The following VPS33A variants were observed in gnomAD, a reference collection of about 807,000 sequenced individuals.
VPS33A encodes the protein VPS33A core subunit of CORVET and HOPS complexes, also known as vacuolar protein sorting-associated protein 33A.
A neutral mutation model predicts 71.8 loss-of-function variants in VPS33A; 32 were observed. The ratio of observed to expected loss-of-function variants is 0.45; its 90% CI spans 0.34 to 0.60. The LOEUF (loss-of-function observed/expected upper bound fraction) is 0.60, where lower values mean the gene tolerates loss of function less well. Among genes scored for constraint, VPS33A ranks in the 20% least tolerant of loss-of-function variants. The probability of loss-of-function intolerance (pLI) is 0.02; values close to 1 mark genes in which losing one functional copy is unlikely to be tolerated. For synonymous variants in VPS33A, 311 were observed against 292.7 expected, an observed-to-expected ratio of 1.06 and a Z score of -0.64; for missense variants, 625 against 748.5, an observed-to-expected ratio of 0.84 and a Z score of 1.92.
At chr12:122,244,248 T>C (rs1308367941) in intron 7 of VPS33A, among the ~76,000 whole-genome samples, 1 of 152,188 alleles carries the variant, frequency 6.6e-6, no homozygotes, top group Non-Finnish European at 1.5e-5. Context: ...TTATTTGTAG[T>C]ACAGATGGCT....
At chr12:122,240,660 A>T (rs1474212955) in intron 8 of VPS33A, among the ~76,000 whole-genome samples, 1 of 152,232 alleles carries the variant, frequency 6.6e-6, no homozygotes, top group Non-Finnish European at 1.5e-5. Flanking sequence ...TTCGAAGTAT[A>T]CTTCATAAAA....
At chr12:122,240,351 T>C (rs937015726) in intron 8 of VPS33A, among the ~76,000 whole-genome samples, 1 of 151,874 alleles carries the variant, frequency 6.6e-6, no homozygotes, top group African/African-American at 2.4e-5. Context: ...CCAGACATCA[T>C]GCAAAAAAGC....
At chr12:122,239,781 G>GAAAAAAAAAAAAAAAA (rs1954688931) in intron 9 of VPS33A, 97 bp downstream of exon 9, 1 of 379,932 alleles carries the variant, frequency 2.6e-6, no homozygotes, top group East Asian at 8.6e-5. Flanking sequence ...AAAAAAAAAG[G>GAAAAAAAAAAAAAAAA]CAAGGCATGG....
chr12:122,254,526 C>A (rs186500280), intron 4 of VPS33A, among the ~76,000 whole-genome samples: 1 of 151,460 alleles, frequency 6.6e-6, no homozygotes, highest in African/African-American at 2.4e-5. Flanking sequence ...CCTCAGTCTG[C>A]GAAGTAGCTG....
intron 4 of VPS33A, among the ~76,000 whole-genome samples, chr12:122,254,372 A>T (rs1592926076): frequency 6.8e-6 from 1 of 147,660 alleles, no homozygotes; most frequent in African/African-American, 2.5e-5. Flanking sequence ...TCTTTCTGCC[A>T]CTTCCTCTAA....
chr12:122,251,914 A>C (rs1229095094), intron 4 of VPS33A, among the ~76,000 whole-genome samples: 1 of 146,008 alleles, frequency 6.8e-6, no homozygotes, highest in Non-Finnish European at 1.5e-5. Context: ...CCTAGAACTT[A>C]AAGTATAAAA....
At chr12:122,232,465 T>C in intron 12 of VPS33A, 38 bp from the exon 13 acceptor site, 1 of 1,558,826 alleles carries the variant, frequency 6.4e-7, no homozygotes, top group South Asian at 1.2e-5. Flanking sequence ...AACTATTTAT[T>C]ATTAATGCTT....
chr12:122,259,393 A>G (rs1954963629), intron 4 of VPS33A, among the ~76,000 whole-genome samples: 1 of 151,888 alleles, frequency 6.6e-6, no homozygotes, highest in Non-Finnish European at 1.5e-5. Context: ...CTAATTTTGT[A>G]TTTTTAGTAG....
In VPS33A at chr12:122,229,867, A is replaced by G. The variant is rs1954536803; in HGVS notation, c.*2379T>C. The G allele has an allele frequency of 6.6e-6, 1 of 152,230 alleles. No homozygotes were observed. Among genetic ancestry groups the G allele is most frequent in the Non-Finnish European group, 1.5e-5 (1 of 68,042 alleles). 9.4% of individuals were successfully genotyped at this position (152,230 alleles called of 1,614,324 possible). A position where few individuals can be genotyped will look rare whatever the true frequency, so the allele number is the denominator to read the frequency against. On this transcript the variant is annotated 3_prime_UTR_variant, in exon 13 of 13. Transcript: ENST00000267199. Reference sequence around the variant, plus strand: ...TAGGAGCTGCCCTAACTATGCTCTGAGCAAGCAAGTATATAGAGTCTTGGG... The same window carrying G: ...TAGGAGCTGCCCTAACTATGCTCTGGGCAAGCAAGTATATAGAGTCTTGGG...
Position 122,231,667 on chromosome 12 carries a change from G to A in VPS33A, c.*579C>T, listed in dbSNP as rs1295681570. 6.5e-6 allele frequency: 1 copy of A among 154,088 alleles called. No homozygotes were observed. Among genetic ancestry groups the A allele is most frequent in the African/African-American group, 2.4e-5 (1 of 41,564 alleles). The allele number at this position is 154,088 out of a possible 1,614,324, so 9.5% of individuals were successfully genotyped here. On this transcript the variant is annotated 3_prime_UTR_variant, in exon 13 of 13. Coordinates refer to ENST00000267199, the MANE Select transcript of VPS33A (RefSeq NM_022916.6). ...ATTATCTACCCCCACCATCCTTAAT[G>A]TATTTCCAGAGGTCTCTAATGAAGA...
At position 122,232,062 on chromosome 12, in the gene VPS33A, A is replaced by G. The variant is rs1954569238; in HGVS notation, c.*184T>C. On this transcript the variant is annotated 3_prime_UTR_variant, in exon 13 of 13. Transcript: ENST00000267199. The stretch of plus-strand genomic sequence containing the variant: ...ACAGAGCAAGACTCCGTCTCAAAGG[A>G]AAAAAAAAAAGGGAATACAAAAGAG... 4 of 323,170 alleles carry G rather than the reference A, an allele frequency of 1.2e-5. No individual in the cohort carries two copies. The East Asian group carries it at 2.3e-4, about 18-fold the overall frequency. The allele number at this position is 323,170 out of a possible 1,614,324, so 20.0% of individuals were successfully genotyped here. A position where few individuals can be genotyped will look rare whatever the true frequency, so the allele number is the denominator to read the frequency against.
chr12:122,260,284 GT>G (rs879771128), intron 4 of VPS33A, among the ~76,000 whole-genome samples: 118 of 146,010 alleles, frequency 8.1e-4, no homozygotes, highest in African/African-American at 1.4e-3. Context: ...GGCATTGTGA[GT>G]TTTTTTTTTT....
intron 11 of VPS33A, among the ~76,000 whole-genome samples, chr12:122,235,127 T>C (rs1309748584): frequency 6.6e-6 from 1 of 151,940 alleles, no homozygotes; most frequent in Non-Finnish European, 1.5e-5. Context: ...ATACTACCAC[T>C]GGCCATTTTT....
At chr12:122,255,167 C>G (rs1301617343) in intron 4 of VPS33A, among the ~76,000 whole-genome samples, 1 of 152,164 alleles carries the variant, frequency 6.6e-6, no homozygotes, top group Non-Finnish European at 1.5e-5. Context: ...TTTGCTTCGG[C>G]TGCTACCAAT....
Position 122,239,904 on chromosome 12 carries a change from ACTC to A in VPS33A, c.1135_1137del (p.Glu379del). 1 of 1,613,826 alleles carries A rather than the reference ACTC, an allele frequency of 6.2e-7. No homozygotes were observed. The highest frequency in any genetic ancestry group is 8.5e-7 in the Non-Finnish European group (1 of 1,179,914). On this transcript the variant is annotated inframe_deletion, in exon 9 of 13. Coordinates refer to ENST00000267199, the MANE Select transcript of VPS33A (RefSeq NM_022916.6). ...TTATCAGTGTCTATTCCAGACATAA[ACTC>A]CTGTTCCACGGTTAATTTATCAAAA...
At chr12:122,260,902 G>A (rs1954984343) in intron 4 of VPS33A, among the ~76,000 whole-genome samples, 1 of 152,218 alleles carries the variant, frequency 6.6e-6, no homozygotes, top group Non-Finnish European at 1.5e-5. Context: ...TTGAACCCAA[G>A]AGGCGGAGGC....
At chr12:122,250,766 G>A (rs1384341685) in intron 5 of VPS33A, among the ~76,000 whole-genome samples, 3 of 152,180 alleles carry the variant, frequency 2.0e-5, no homozygotes, top group Admixed American at 6.5e-5. Flanking sequence ...ATGCGCAGTG[G>A]TTACTCAAAC....
rs1210781698 is a variant in VPS33A at position 122,266,403 on chromosome 12, C to T, written c.6G>A (p.Ala2=). 2.5e-6 allele frequency: 4 copies of T among 1,610,610 alleles called. No individual in the cohort carries two copies. Among genetic ancestry groups the T allele is most frequent in the Admixed American group, 3.3e-5 (2 of 59,916 alleles). Residue 2 remains alanine, a synonymous_variant, in exon 1 of 13, where the codon GCG becomes GCA. Coordinates refer to ENST00000267199, the MANE Select transcript of VPS33A (RefSeq NM_022916.6). ...TCACTCGGCCGTAGGACAGATGAGC[C>T]GCCATCTTGCTCCACCACCCCCTGC... M[A]AHLSYGRVNL... is the part of the protein sequence containing the mutation.
chr12:122,248,110 C>T (rs1343871650), intron 6 of VPS33A: 3 of 151,170 alleles, frequency 2.0e-5, no homozygotes, highest in Non-Finnish European at 4.4e-5. Flanking sequence ...TGGGGTTTCA[C>T]CACGTTGGTC....
Sources: gnomAD v4.1 joint callset for allele counts (sites outside exome capture counted in the v4.1 genomes callset) on GRCh38, gnomAD v4.1.1 for gene constraint, MANE v1.5 for transcripts, NCBI Gene and HGNC (gene_info 2026-07-23, HGNC 2026-07-21) for gene names.